Variants in ABCC11 observed in about 807,000 individuals in gnomAD.
ABCC11 encodes the protein ATP-binding cassette sub-family C member 11.
In ABCC11, 135 loss-of-function variants were observed where a neutral mutation model predicts 149.3. That is an observed-to-expected ratio of 0.90 (90% CI 0.79 to 1.04). The LOEUF is 1.04. Ranked by LOEUF, ABCC11 falls within the 50% of genes least tolerant of loss-of-function variation. The probability of loss-of-function intolerance (pLI) is 0.00; values close to 1 mark genes in which losing one functional copy is unlikely to be tolerated. For synonymous variants in ABCC11, 665 were observed against 671.4 expected, an observed-to-expected ratio of 0.99 and a Z score of 0.15; for missense variants, 1,680 against 1,722.1, an observed-to-expected ratio of 0.98 and a Z score of 0.43.
chr16:48,230,383 G>A (rs2150917993), intron 3 of ABCC11, 54 bp downstream of exon 3: 2 of 1,492,256 alleles, frequency 1.3e-6, no homozygotes, highest in South Asian at 2.8e-5. Context: ...GGAGGGTTGG[G>A]GATCATTGCC....
At position 48,178,809 on chromosome 16, in the gene ABCC11, C is replaced by T. The variant is rs566960559; in HGVS notation, c.3259-123G>A. 1.5e-3 allele frequency: 1,257 copies of T among 845,780 alleles called. 2 individuals are homozygous for T. Among genetic ancestry groups the T allele is most frequent in the Non-Finnish European group, 2.2e-3 (1,175 of 539,090 alleles). The allele number at this position is 845,780 out of a possible 1,614,324, so 52.4% of individuals were successfully genotyped here. Reference sequence around the variant, plus strand: ...TGACCCCTGAAACTAAGATAATTTTCCTAGCAAGAATGGAGCAGAGGCCCC... The same window carrying T: ...TGACCCCTGAAACTAAGATAATTTTTCTAGCAAGAATGGAGCAGAGGCCCC... On this transcript the variant is annotated intron_variant, in intron 23 of 29. Transcript: ENST00000356608.
rs1321534175 is a variant in ABCC11, at chr16:48,239,972, AGATGCC to A, written c.-19+7336_-19+7341del. ...AGAAATGCAAATCAAAACCACAGTG[AGATGCC>A]ATCTTACACCAGTCAGAATGGCAAT... is the stretch of plus-strand genomic sequence containing the variant. On this transcript the variant is annotated intron_variant, in intron 1 of 29. Coordinates refer to ENST00000356608, the MANE Select transcript of ABCC11 (RefSeq NM_001370497.1). Among the ~76,000 whole-genome samples the A allele has an allele frequency of 4.6e-5, 7 of 152,376 alleles. No homozygotes were observed. The East Asian group carries it at 9.6e-4, about 21-fold the overall frequency.
chr16:48,180,801 C>T (rs1966380220), intron 23 of ABCC11, among the ~76,000 whole-genome samples: 1 of 152,180 alleles, frequency 6.6e-6, no homozygotes, highest in Non-Finnish European at 1.5e-5. Flanking sequence ...TATAATTAAA[C>T]ATTACTCTGG....
At chr16:48,176,808 A>AT in intron 25 of ABCC11, 116 bp downstream of exon 25, 1 of 1,232,306 alleles carries the variant, frequency 8.1e-7, no homozygotes. Flanking sequence ...CCAGCACAGC[A>AT]TGAGGACCTA....
At chr16:48,189,251 G>T (rs533783163) in intron 20 of ABCC11, among the ~76,000 whole-genome samples, 1 of 152,236 alleles carries the variant, frequency 6.6e-6, no homozygotes, top group Non-Finnish European at 1.5e-5. Context: ...GCAGGGTTGT[G>T]GAGGGGACAC....
chr16:48,242,255 C>T (rs916776998), intron 1 of ABCC11, among the ~76,000 whole-genome samples: 1 of 152,154 alleles, frequency 6.6e-6, no homozygotes, highest in Non-Finnish European at 1.5e-5. Flanking sequence ...AGACACTTCT[C>T]AAAAGAAGAC....
chr16:48,196,073 C>T (rs1248545001), intron 18 of ABCC11, among the ~76,000 whole-genome samples, 159 bp downstream of exon 18: 1 of 152,062 alleles, frequency 6.6e-6, no homozygotes, highest in Non-Finnish European at 1.5e-5. Context: ...GGTAGAGTTG[C>T]TATAACTGAG....
intron 20 of ABCC11, among the ~76,000 whole-genome samples, chr16:48,189,059 G>A (rs1966849291): frequency 6.6e-6 from 1 of 152,194 alleles, no homozygotes; most frequent in South Asian, 2.1e-4. Flanking sequence ...AGGGTTGGAG[G>A]AGCAGATTTA....
chr16:48,214,083 C>T (rs1357986415), intron 9 of ABCC11, among the ~76,000 whole-genome samples: 2 of 152,254 alleles, frequency 1.3e-5, no homozygotes, highest in African/African-American at 2.4e-5. Context: ...AGGTGCCCTC[C>T]TGGAGGTGCC....
At position 48,170,909 on chromosome 16, in the gene ABCC11, T is replaced by C. The variant is rs771149938; in HGVS notation, c.3757A>G (p.Arg1253Gly). 6.2e-7 allele frequency: 1 copy of C among 1,613,950 alleles called. No individual in the cohort carries two copies. The highest frequency in any genetic ancestry group is 8.5e-7 in the Non-Finnish European group (1 of 1,179,842). The change falls in exon 27 of 30, where the codon AGG becomes GGG. Residue 1253 changes from arginine to glycine, a missense_variant. Arg to Gly is a moderately radical substitution (Grantham distance 125). Transcript: ENST00000356608. ...CTTACGGCCTTGGTCAGGAATGTCC[T>C]CTCCAAGGCATCCCAGATCTGCTGG... The part of the protein sequence containing the change: ...TDQQIWDALE[R>G]TFLTKAISKF...
In ABCC11 at chr16:48,216,273, G is replaced by A. The variant is rs202218605; in HGVS notation, c.792C>T (p.Phe264=). The change falls in exon 7 of 30, where the codon TTC becomes TTT. Residue 264 remains phenylalanine, a synonymous_variant. Coordinates refer to ENST00000356608, the MANE Select transcript of ABCC11 (RefSeq NM_001370497.1). ...CAAACAGGTAGTTTACATCACCGGTGAAGAAGCTGATGGCCTGCAAGACAG... is the reference window on the plus strand; with the variant it reads ...CAAACAGGTAGTTTACATCACCGGTAAAGAAGCTGATGGCCTGCAAGACAG... ...HITSGEAISF[F]TGDVNYLFEG... The A allele has an allele frequency of 4.3e-6, 7 of 1,613,114 alleles. No homozygotes were observed. In the East Asian group the frequency reaches 1.6e-4, roughly 36 times the overall value.
chr16:48,170,293 T>G (rs908809266), intron 27 of ABCC11, 75 bp from the exon 28 acceptor site: 1 of 1,135,404 alleles, frequency 8.8e-7, no homozygotes, highest in Admixed American at 1.8e-5. Context: ...CTTGTCAATC[T>G]TCCGCTGTAT....
intron 12 of ABCC11, among the ~76,000 whole-genome samples, chr16:48,207,858 C>A (rs1011039018): frequency 6.6e-6 from 1 of 151,836 alleles, no homozygotes; most frequent in African/African-American, 2.4e-5. Flanking sequence ...GGCATAGGTA[C>A]CCCACTGCCA....
chr16:48,226,883 T>C (rs552913694), intron 4 of ABCC11, among the ~76,000 whole-genome samples: 5 of 151,842 alleles, frequency 3.3e-5, no homozygotes, highest in African/African-American at 1.2e-4. Context: ...GAGGCTCTTA[T>C]GAGACTATAA....
At chr16:48,175,138 G>T in intron 26 of ABCC11, 120 bp downstream of exon 26, 2 of 1,293,076 alleles carry the variant, frequency 1.5e-6, no homozygotes, top group Non-Finnish European at 2.1e-6. Flanking sequence ...GAGTGGCCCA[G>T]CAGGCCAAGG....
At chr16:48,224,774 G>T (rs966076464) in intron 4 of ABCC11, among the ~76,000 whole-genome samples, 8 of 152,172 alleles carry the variant, frequency 5.3e-5, no homozygotes, top group Non-Finnish European at 1.0e-4. Context: ...TGTAATCCCA[G>T]CACTTTGGGA....
intron 20 of ABCC11, among the ~76,000 whole-genome samples, chr16:48,189,796 C>T (rs1966855815): frequency 6.6e-6 from 1 of 152,178 alleles, no homozygotes. Context: ...CAAGCTTTAT[C>T]TGAGAGGTGG....
chr16:48,174,416 G>A (rs1053099634), intron 26 of ABCC11, among the ~76,000 whole-genome samples: 1 of 152,182 alleles, frequency 6.6e-6, no homozygotes, highest in Non-Finnish European at 1.5e-5. Context: ...AACATGGGGG[G>A]ACCTAGCCTG....
intron 6 of ABCC11, among the ~76,000 whole-genome samples, chr16:48,219,772 G>A (rs113372282): frequency 0.14 from 21,859 of 152,070 alleles, 2,077 homozygotes; most frequent in African/African-American, 0.28. Flanking sequence ...CCTAAGGTCA[G>A]GAGTTTGAGA....
Sources: gnomAD v4.1 joint callset for allele counts (sites outside exome capture counted in the v4.1 genomes callset) on GRCh38, gnomAD v4.1.1 for gene constraint, MANE v1.5 for transcripts, NCBI Gene and HGNC (gene_info 2026-07-23, HGNC 2026-07-21) for gene names.